The following TRPM1 variants were observed in gnomAD, a reference collection of about 807,000 sequenced individuals.
TRPM1 encodes transient receptor potential cation channel subfamily M member 1.
Under a neutral mutation model 149.4 loss-of-function variants are expected in TRPM1, and 113 were observed. The ratio of observed to expected loss-of-function variants is 0.76; its 90% confidence interval spans 0.65 to 0.88. The LOEUF is 0.88. Ranked by LOEUF, TRPM1 falls within the 40% of genes least tolerant of loss-of-function variation. The pLI is 0.00. For synonymous variants in TRPM1, 741 were observed against 759.5 expected, an observed-to-expected ratio of 0.98 and a Z score of 0.40; for missense variants, 1,976 against 2,038.7, an observed-to-expected ratio of 0.97 and a Z score of 0.59.
chr15:31,030,157 A>G (rs897613603), intron 23 of TRPM1, among the ~76,000 whole-genome samples: 1 of 152,244 alleles, frequency 6.6e-6, no homozygotes, highest in Non-Finnish European at 1.5e-5. Flanking sequence ...GTAGATATAC[A>G]CTGACAGCCC....
intron 12 of TRPM1, among the ~76,000 whole-genome samples, chr15:31,049,794 G>A (rs184522441): frequency 1.3e-5 from 2 of 152,338 alleles, no homozygotes; most frequent in African/African-American, 4.8e-5. Context: ...GGCCTGCCCA[G>A]TCTCCACCAT....
intron 2 of TRPM1, among the ~76,000 whole-genome samples, chr15:31,080,475 C>G (rs1464031254): frequency 6.6e-6 from 1 of 152,156 alleles, no homozygotes; most frequent in Non-Finnish European, 1.5e-5. Flanking sequence ...GATCATCAGA[C>G]AGCCCGAACT....
chr15:31,073,923 T>G (rs2034624324), intron 3 of TRPM1, among the ~76,000 whole-genome samples: 1 of 152,134 alleles, frequency 6.6e-6, no homozygotes, highest in Non-Finnish European at 1.5e-5. Flanking sequence ...GTGTTGAGTT[T>G]TATCCAAGTC....
chr15:31,111,351 A>G lies in TRPM1; in HGVS notation c.55-34367T>C, dbSNP rs550803091. On this transcript the variant is annotated intron_variant, in intron 1 of 26. Transcript: ENST00000542188. ...AACGTTCTGCCCTTTGCTGGGACCT[A>G]ATGGAGGACTTTCAAATCCCAACAC... Among the ~76,000 whole-genome samples, 3 of 152,248 alleles carry G rather than the reference A, an allele frequency of 2.0e-5. No individual in the cohort carries two copies. The East Asian group carries it at 5.8e-4, about 29-fold the overall frequency.
intron 12 of TRPM1, 109 bp downstream of exon 12, chr15:31,050,300 T>G: frequency 6.6e-7 from 1 of 1,521,142 alleles, no homozygotes; most frequent in Non-Finnish European, 9.1e-7. Flanking sequence ...CCTTTACCCG[T>G]CCCTCCTGGG....
At chr15:31,047,346 A>T in intron 14 of TRPM1, 95 bp from the exon 15 acceptor site, 1 of 1,406,754 alleles carries the variant, frequency 7.1e-7, no homozygotes, top group Non-Finnish European at 1.0e-6. Context: ...CCTGGCCCCC[A>T]CTTGGGAGTT....
chr15:31,002,254 T>C lies in TRPM1; in HGVS notation c.4446A>G (p.Ser1482=), dbSNP rs201564786. The C allele has an allele frequency of 3.1e-6, 5 of 1,614,258 alleles. No homozygotes were observed. The Admixed American group carries it at 5.0e-5, about 16-fold the overall frequency. ...GGVNQDVEYS[S]ITDQQLTTEW... ...CCGTCGTCAATTGCTGGTCCGTGAT[T>C]GAACTGTACTCTACATCCTGGTTAA... Residue 1482 remains serine, a synonymous_variant, in exon 28 of 28, where the codon TCA becomes TCG. Coordinates refer to ENST00000256552, the MANE Select transcript of TRPM1 (RefSeq NM_001252024.2).
intron 10 of TRPM1, 142 bp from the exon 11 acceptor site, chr15:31,060,786 G>T: frequency 1.4e-6 from 1 of 737,286 alleles, no homozygotes; most frequent in African/African-American, 1.7e-5. Flanking sequence ...TGCCCTGAAT[G>T]ACCACAAAGG....
At position 31,050,390 on chromosome 15, in the gene TRPM1, T is replaced by A; in HGVS notation, c.1437+19A>T. On this transcript the variant is annotated intron_variant, in intron 12 of 27. Coordinates refer to ENST00000256552, the MANE Select transcript of TRPM1 (RefSeq NM_001252024.2). ...GAAGGGTGATGCCAAGCTCGTGATC[T>A]CTGTGACCTTCCACATACCCAGTTC... 6.2e-7 allele frequency: 1 copy of A among 1,614,176 alleles called. No individual in the cohort carries two copies. Among genetic ancestry groups the A allele is most frequent in the Non-Finnish European group, 8.5e-7 (1 of 1,180,024 alleles).
chr15:31,027,246 A>T (rs1053052823), intron 25 of TRPM1, 129 bp from the exon 26 acceptor site: 18 of 791,112 alleles, frequency 2.3e-5, no homozygotes, highest in Middle Eastern at 3.5e-4. Flanking sequence ...TTTAGTACTG[A>T]TTCCTTGATT....
chr15:31,135,191 A>G (rs1383495095), intron 1 of TRPM1, among the ~76,000 whole-genome samples: 2 of 152,152 alleles, frequency 1.3e-5, no homozygotes, highest in Non-Finnish European at 2.9e-5. Context: ...TTAGAAGTAA[A>G]CACTGACGAA....
At position 31,119,352 on chromosome 15, in the gene TRPM1, A is replaced by G. The variant is rs566200397; in HGVS notation, c.54+41554T>C. Among the ~76,000 whole-genome samples, 3 of 152,302 alleles carry G rather than the reference A, an allele frequency of 2.0e-5. No homozygotes were observed. In the East Asian group the frequency reaches 5.8e-4, roughly 29 times the overall value. On this transcript the variant is annotated intron_variant, in intron 1 of 26. Coordinates refer to the TRPM1 transcript ENST00000542188. ...CCATTAAGGCAAGAAGAAAATGAGA[A>G]GAAATATTTCAAGTGTTAAAAGAAA...
chr15:31,157,234 G>C (rs2036389692), intron 1 of TRPM1, among the ~76,000 whole-genome samples: 1 of 152,158 alleles, frequency 6.6e-6, no homozygotes, highest in Non-Finnish European at 1.5e-5. Flanking sequence ...TTTTAATCCA[G>C]CAGTATGTTC....
Position 31,001,435 on chromosome 15 carries a change from T to G in TRPM1, c.*387A>C, listed in dbSNP as rs1169236488. 1.9e-5 allele frequency: 4 copies of G among 207,574 alleles called. No individual in the cohort carries two copies. In the South Asian group the frequency reaches 3.3e-4, roughly 17 times the overall value. 12.9% of individuals were successfully genotyped at this position (207,574 alleles called of 1,614,324 possible). A position where few individuals can be genotyped will look rare whatever the true frequency, so the allele number is the denominator to read the frequency against. The stretch of plus-strand genomic sequence containing the variant: ...TTTCTGCCTTGGCCTCCCAAAGTGC[T>G]AGGATTACAGGCATGAGCCACTGTG... On this transcript the variant is annotated 3_prime_UTR_variant, in exon 28 of 28. Transcript: ENST00000256552.
chr15:31,084,336 G>A (rs1459270157), intron 1 of TRPM1, among the ~76,000 whole-genome samples: 2 of 151,990 alleles, frequency 1.3e-5, no homozygotes, highest in African/African-American at 2.4e-5. Flanking sequence ...AAAAAAAGCC[G>A]GTACCCATTA....
At chr15:31,081,321 G>GGT in intron 2 of TRPM1, 32 bp downstream of exon 2, 1 of 1,016,376 alleles carries the variant, frequency 9.8e-7, no homozygotes, top group South Asian at 1.3e-5. Flanking sequence ...GGGGAGGGGG[G>GGT]GAAGGTGGAA....
chr15:31,043,256 C>T lies in TRPM1; in HGVS notation c.1795-1013G>A, dbSNP rs551093088. Among the ~76,000 whole-genome samples, 373 of 152,286 alleles carry T rather than the reference C, an allele frequency of 2.4e-3. 5 individuals carry two copies. Among genetic ancestry groups the T allele is most frequent in the South Asian group, 0.022 (107 of 4,824 alleles). On this transcript the variant is annotated intron_variant, in intron 16 of 27. Transcript: ENST00000256552. ...TCGCCCAGGCTGGAGTGCAGTGGCA[C>T]CATCTCGGCTCACTGCAAGCTCTGC...
In TRPM1 at chr15:31,032,552, C is replaced by G. The variant is rs894597294; in HGVS notation, c.2952+137G>C. The stretch of plus-strand genomic sequence containing the variant: ...TGTAGGAGAACTGTGTATCTTAAAG[C>G]AAAGAATATTTCCTTTAAAAAGCCA... On this transcript the variant is annotated intron_variant, in intron 22 of 27. Coordinates refer to ENST00000256552, the MANE Select transcript of TRPM1 (RefSeq NM_001252024.2). 9 of 1,007,466 alleles carry G rather than the reference C, an allele frequency of 8.9e-6. No homozygotes were observed. The African/African-American group carries it at 1.4e-4, about 16-fold the overall frequency. The allele number at this position is 1,007,466 out of a possible 1,614,324, so 62.4% of individuals were successfully genotyped here. A position where few individuals can be genotyped will look rare whatever the true frequency, so the allele number is the denominator to read the frequency against.
chr15:31,069,877 T>C, intron 4 of TRPM1, 154 bp downstream of exon 4: 1 of 1,593,832 alleles, frequency 6.3e-7, no homozygotes, highest in South Asian at 1.1e-5. Flanking sequence ...AAAAGCCATG[T>C]GCACAGATAT....
Sources: allele counts gnomAD v4.1 joint callset (sites outside exome capture counted in the v4.1 genomes callset), GRCh38; gene constraint gnomAD v4.1.1; transcripts MANE v1.5; gene names NCBI Gene and HGNC (gene_info 2026-07-23, HGNC 2026-07-21).